The following COBL variants were observed in gnomAD, a reference collection of about 807,000 sequenced individuals.
COBL encodes the protein protein cordon-bleu.
In COBL, 51 loss-of-function variants were observed where a neutral mutation model predicts 98.8. The observed-to-expected ratio is 0.52, with a 90% confidence interval of 0.41 to 0.65. The LOEUF is 0.65. Among genes scored for constraint, COBL ranks in the 30% least tolerant of loss-of-function variants. The pLI, the probability that COBL is intolerant of heterozygous loss-of-function variation, is 0.00. For synonymous variants in COBL, 634 were observed against 651.7 expected (o/e 0.97, Z 0.41); for missense variants, 1,617 against 1,617.5 (o/e 1.00, Z 0.01).
intron 1 of COBL, among the ~76,000 whole-genome samples, chr7:51,246,689 A>T (rs1053642477): frequency 2.6e-5 from 4 of 152,212 alleles, no homozygotes; most frequent in Non-Finnish European, 5.9e-5. Context: ...TTTATGAAGA[A>T]AGAGTTATTG....
intron 5 of COBL, among the ~76,000 whole-genome samples, chr7:51,178,619 GTCTC>G (rs545496322): frequency 2.6e-5 from 4 of 152,066 alleles, no homozygotes; most frequent in Non-Finnish European, 4.4e-5. Flanking sequence ...TGAAAACTGA[GTCTC>G]TCTTCTTTTT....
At chr7:51,297,836 T>C (rs1477000930) in intron 1 of COBL, among the ~76,000 whole-genome samples, 1 of 152,204 alleles carries the variant, frequency 6.6e-6, no homozygotes, top group African/African-American at 2.4e-5. Flanking sequence ...CAGAGGCCAC[T>C]CGATGTATGT....
At chr7:51,159,139 CA>C (rs1417443959) in intron 5 of COBL, among the ~76,000 whole-genome samples, 3 of 152,152 alleles carry the variant, frequency 2.0e-5, no homozygotes, top group African/African-American at 7.2e-5. Flanking sequence ...CGGCCGCGCG[CA>C]CCTGGCGGCC....
chr7:51,193,828 A>G (rs1263456855), intron 2 of COBL, among the ~76,000 whole-genome samples: 1 of 152,218 alleles, frequency 6.6e-6, no homozygotes, highest in African/African-American at 2.4e-5. Context: ...TAGCTTGGAA[A>G]ATAGTTATAT....
chr7:51,043,433 G>A lies in COBL; in HGVS notation c.1356C>T (p.Pro452=). Residue 452 remains proline (P), a synonymous_variant, in exon 8 of 13, where the codon CCC becomes CCT. Coordinates refer to ENST00000265136, the MANE Select transcript of COBL (RefSeq NM_015198.5). ...TCTTCTCCCACAAGGGGCTCTTCTGGGGACCCAGGTCTGGGGTTCCAGCGA... is the reference window on the plus strand; with the variant it reads ...TCTTCTCCCACAAGGGGCTCTTCTGAGGACCCAGGTCTGGGGTTCCAGCGA... The part of the protein sequence containing the change: ...QDLAGTPDLG[P]QKSPLWEKNG... 1 of 1,614,202 alleles carries A rather than the reference G, an allele frequency of 6.2e-7. No individual in the cohort carries two copies. Among genetic ancestry groups the A allele is most frequent in the African/African-American group, 1.3e-5 (1 of 75,054 alleles).
At chr7:51,205,717 G>A (rs994773571) in intron 2 of COBL, among the ~76,000 whole-genome samples, 12 of 150,548 alleles carry the variant, frequency 8.0e-5, no homozygotes, top group Admixed American at 5.9e-4. Context: ...AAATAGGACT[G>A]CATCAAGCTA....
At chr7:51,052,082 T>C (rs752034502) in intron 7 of COBL, among the ~76,000 whole-genome samples, 8 of 152,220 alleles carry the variant, frequency 5.3e-5, no homozygotes, top group Non-Finnish European at 1.0e-4. Flanking sequence ...TTTGACATTC[T>C]GCAGTGTTCA....
chr7:51,234,830 G>A (rs779594339), intron 1 of COBL, among the ~76,000 whole-genome samples: 4 of 152,136 alleles, frequency 2.6e-5, no homozygotes, highest in Non-Finnish European at 4.4e-5. Context: ...GGAACACGTC[G>A]CTTGGGTTTA....
At chr7:51,112,330 T>C (rs568288612) in intron 6 of COBL, among the ~76,000 whole-genome samples, 15 of 152,284 alleles carry the variant, frequency 9.9e-5, no homozygotes, top group African/African-American at 2.2e-4. Flanking sequence ...TAAAGAAACA[T>C]TGGAAGCAAA....
chr7:51,258,235 G>T (rs1797378218), intron 1 of COBL, among the ~76,000 whole-genome samples: 1 of 151,910 alleles, frequency 6.6e-6, no homozygotes, highest in African/African-American at 2.4e-5. Flanking sequence ...AGAGACAAGT[G>T]AACATTTATT....
Position 51,313,167 on chromosome 7 carries a change from T to C in COBL, c.41+3426A>G, listed in dbSNP as rs552003861. On this transcript the variant is annotated intron_variant, in intron 1 of 12. Coordinates refer to ENST00000265136, the MANE Select transcript of COBL (RefSeq NM_015198.5). ...ATACATGCTCTCATTTGAAAGAATG[T>C]AAACACTTTCTCTAACATGTTAGCC... Among the ~76,000 whole-genome samples the C allele has an allele frequency of 3.3e-4, 50 of 152,340 alleles. No individual in the cohort carries two copies. The South Asian group carries it at 0.01, about 31-fold the overall frequency.
intron 6 of COBL, among the ~76,000 whole-genome samples, chr7:51,113,162 A>T (rs761026751): frequency 1.6e-4 from 24 of 152,200 alleles, no homozygotes; most frequent in Non-Finnish European, 2.9e-4. Flanking sequence ...TGGAGCATCT[A>T]TGCTTCATCA....
intron 1 of COBL, among the ~76,000 whole-genome samples, chr7:51,258,701 A>G (rs933174491): frequency 6.6e-6 from 1 of 152,238 alleles, no homozygotes; most frequent in Non-Finnish European, 1.5e-5. Flanking sequence ...CTTAAGAGTA[A>G]TAACAAATAG....
At chr7:51,261,085 G>A (rs534243515) in intron 1 of COBL, among the ~76,000 whole-genome samples, 1 of 152,170 alleles carries the variant, frequency 6.6e-6, no homozygotes, top group South Asian at 2.1e-4. Context: ...GCTCACACAC[G>A]CCAAGCTCAG....
At chr7:51,160,637 C>T (rs1237714523) in intron 5 of COBL, among the ~76,000 whole-genome samples, 1 of 152,164 alleles carries the variant, frequency 6.6e-6, no homozygotes, top group Non-Finnish European at 1.5e-5. Context: ...TGATTATGAG[C>T]TCACGGTACA....
In COBL at chr7:51,028,149, G is replaced by C; in HGVS notation, c.2947C>G (p.Gln983Glu). ...TGTCCCACAGAAACACGATCCCTCT[G>C]GGAAGACTGAACCAGTGAGAAACAG... ...SSCFSLVQSSQRDRVSVGQSC... is the reference protein window; with the variant it reads ...SSCFSLVQSSERDRVSVGQSC... The change falls in exon 10 of 13, where the codon CAG becomes GAG. Residue 983 changes from glutamine to glutamate, a missense_variant. By Grantham distance (29) the Gln-to-Glu change is conservative (BLOSUM62 2). This residue lies in a region of COBL where 1,304 missense variants were observed against 1,282.0 expected (regional missense o/e 1.02). Coordinates refer to ENST00000265136, the MANE Select transcript of COBL (RefSeq NM_015198.5). 1 of 1,614,222 alleles carries C rather than the reference G, an allele frequency of 6.2e-7. No individual in the cohort carries two copies.
At chr7:51,115,500 T>C (rs1327429542) in intron 6 of COBL, among the ~76,000 whole-genome samples, 1 of 152,160 alleles carries the variant, frequency 6.6e-6, no homozygotes, top group Non-Finnish European at 1.5e-5. Flanking sequence ...TAGTTTCTAA[T>C]TTCCTTTGTG....
intron 5 of COBL, chr7:51,172,385 T>A (rs1787955572): frequency 1.0e-6 from 1 of 975,556 alleles, no homozygotes; most frequent in Non-Finnish European, 1.4e-6. Context: ...GATTTCACTA[T>A]CTGGAAGGTC....
intron 4 of COBL, among the ~76,000 whole-genome samples, chr7:51,185,532 G>A (rs1287741896): frequency 6.6e-6 from 1 of 152,196 alleles, no homozygotes; most frequent in African/African-American, 2.4e-5. Flanking sequence ...GTCATGATTT[G>A]CTCAGGAAAG....
Sources: gnomAD v4.1 joint callset for allele counts (sites outside exome capture counted in the v4.1 genomes callset) on GRCh38, gnomAD v4.1.1 for gene constraint, gnomAD v4.1.1 regional missense constraint, MANE v1.5 for transcripts, NCBI Gene and HGNC (gene_info 2026-07-23, HGNC 2026-07-21) for gene names.